UTP25: variants seen among roughly 807,000 people sequenced by gnomAD.
UTP25 encodes U3 small nucleolar RNA-associated protein 25 homolog.
A neutral mutation model predicts 78.9 loss-of-function variants in UTP25; 50 were observed. The ratio of observed to expected loss-of-function variants is 0.63; its 90% CI spans 0.50 to 0.80. The LOEUF (loss-of-function observed/expected upper bound fraction) is 0.80, where lower values mean the gene tolerates loss of function less well. Among genes scored for constraint, UTP25 ranks in the 30% least tolerant of loss-of-function variants. The pLI is 0.00. For synonymous variants in UTP25, 329 were observed against 336.5 expected, an observed-to-expected ratio of 0.98 and a Z score of 0.24; for missense variants, 846 against 911.3, an observed-to-expected ratio of 0.93 and a Z score of 0.92.
At chr1:209,830,203 T>G in intron 2 of UTP25, 56 bp downstream of exon 2, 1 of 1,423,226 alleles carries the variant, frequency 7.0e-7, no homozygotes, top group South Asian at 1.2e-5. Flanking sequence ...CCACTAAGAT[T>G]ATATCTAATA....
Position 209,833,180 on chromosome 1 carries a change from T to G in UTP25, c.389-5T>G. 1 of 1,607,864 alleles carries G rather than the reference T, an allele frequency of 6.2e-7. No homozygotes were observed. The highest frequency in any genetic ancestry group is 1.1e-5 in the South Asian group (1 of 89,532). The stretch of plus-strand genomic sequence containing the variant: ...AATTTTATAAAATGTTTCTCAAAAC[T>G]GCAGATGTAGCTTTATCTGCTGACC... On this transcript the variant is annotated splice_region_variant and splice_polypyrimidine_tract_variant and intron_variant, in intron 3 of 11. Transcript: ENST00000491415.
At chr1:209,839,866 A>G (rs2078156460) in intron 7 of UTP25, among the ~76,000 whole-genome samples, 1 of 152,220 alleles carries the variant, frequency 6.6e-6, no homozygotes, top group Admixed American at 6.5e-5. Flanking sequence ...TTGTTCTCGG[A>G]GCATTTAAAG....
chr1:209,856,153 C>T lies in UTP25; in HGVS notation c.*4706C>T, dbSNP rs2078274123. 6.6e-6 allele frequency: 1 copy of T among 152,230 alleles called. No individual in the cohort carries two copies. The highest frequency in any genetic ancestry group is 2.4e-5 in the African/African-American group (1 of 41,454). The allele number at this position is 152,230 out of a possible 1,614,324, so 9.4% of individuals were successfully genotyped here. ...CACGACCACTTCTCAGTTTTCTCATCTTTATGAAGTATGGAGTAATCCCCA... is the reference window on the plus strand; with the variant it reads ...CACGACCACTTCTCAGTTTTCTCATTTTTATGAAGTATGGAGTAATCCCCA... On this transcript the variant is annotated 3_prime_UTR_variant, in exon 12 of 12. Coordinates refer to ENST00000491415, the MANE Select transcript of UTP25 (RefSeq NM_014388.7).
rs768757354 is a variant in UTP25, at chr1:209,836,952, C to T, written c.803C>T (p.Pro268Leu). Residue 268 changes from proline (P) to leucine (L), a missense_variant, in exon 6 of 12, where the codon CCC (proline) becomes CTC (leucine). Transcript: ENST00000491415. Reference sequence around the variant, plus strand: ...ACCAACAGCCAGTTCCTATCTGGTCCCCAAAAATCAAGCAGCCCATTCACC... The same window carrying T: ...ACCAACAGCCAGTTCCTATCTGGTCTCCAAAAATCAAGCAGCCCATTCACC... ...TKTNSQFLSG[P>L]QKSSSPFTPL... is the part of the protein sequence containing the mutation. The T allele has an allele frequency of 6.2e-7, 1 of 1,614,046 alleles. No individual in the cohort carries two copies. Among genetic ancestry groups the T allele is most frequent in the South Asian group, 1.1e-5 (1 of 91,074 alleles).
chr1:209,845,926 G>A (rs901620846), intron 11 of UTP25, among the ~76,000 whole-genome samples: 4 of 147,452 alleles, frequency 2.7e-5, no homozygotes, highest in Non-Finnish European at 3.0e-5. Context: ...GTGTGATCTC[G>A]GCCCGCTGCA....
rs775081069 is a variant in UTP25, at chr1:209,837,066, T to G, written c.917T>G (p.Ile306Ser). 1.2e-6 allele frequency: 2 copies of G among 1,614,106 alleles called. No individual in the cohort carries two copies. Among genetic ancestry groups the G allele is most frequent in the South Asian group, 2.2e-5 (2 of 91,084 alleles). Residue 306 changes from isoleucine (I) to serine (S), a missense_variant, in exon 6 of 12, where the codon ATC becomes AGC. Ile to Ser is a moderately radical substitution (Grantham distance 142). Coordinates refer to ENST00000491415, the MANE Select transcript of UTP25 (RefSeq NM_014388.7). ...ACTGCTCTGAAGAACGGGGAAGAGA[T>G]CCGCCATGTGTATTGCCTGCATGTG... ...ERTALKNGEE[I>S]RHVYCLHVIN...
chr1:209,843,569 G>A lies in UTP25; in HGVS notation c.1900G>A (p.Glu634Lys), dbSNP rs887949827. ...GCGTCTTCGAAATTACTTCAAGAAG[G>A]AGGAATTGAATTTTACCCACATCTG... ...FVRLRNYFKK[E>K]ELNFTHICEY... Residue 634 changes from glutamate to lysine, a missense_variant, in exon 11 of 12, where the codon GAG becomes AAG. By Grantham distance (56) the Glu-to-Lys change is moderately conservative. Coordinates refer to ENST00000491415, the MANE Select transcript of UTP25 (RefSeq NM_014388.7). 1 of 1,614,172 alleles carries A rather than the reference G, an allele frequency of 6.2e-7. No individual in the cohort carries two copies. Among genetic ancestry groups the A allele is most frequent in the Non-Finnish European group, 8.5e-7 (1 of 1,180,026 alleles).
In UTP25 at chr1:209,837,054, A is replaced by G. The variant is rs776190684; in HGVS notation, c.905A>G (p.Asn302Ser). ...TACCCGGAAAGGACTGCTCTGAAGA[A>G]CGGGGAAGAGATCCGCCATGTGTAT... ...LFYPERTALK[N>S]GEEIRHVYCL... is the part of the protein sequence containing the mutation. The change falls in exon 6 of 12, where the codon AAC becomes AGC. Residue 302 changes from asparagine (N) to serine (S), a missense_variant. Asn to Ser is a conservative substitution (Grantham distance 46). Transcript: ENST00000491415. 16 of 1,614,162 alleles carry G rather than the reference A, an allele frequency of 9.9e-6. 1 individual carries two copies. The South Asian group carries it at 1.4e-4, about 14-fold the overall frequency.
chr1:209,834,242 C>T (rs1216223647), intron 4 of UTP25, among the ~76,000 whole-genome samples: 3 of 152,142 alleles, frequency 2.0e-5, no homozygotes, highest in Non-Finnish European at 4.4e-5. Context: ...TTCTTATGTC[C>T]TGTTGTTCAC....
rs1460428248 is a variant in UTP25 at position 209,854,907 on chromosome 1, C to T, written c.*3460C>T. The T allele has an allele frequency of 6.6e-6, 1 of 152,228 alleles. No individual in the cohort carries two copies. Among genetic ancestry groups the T allele is most frequent in the Non-Finnish European group, 1.5e-5 (1 of 68,058 alleles). The allele number at this position is 152,228 out of a possible 1,614,324, so 9.4% of individuals were successfully genotyped here. The stretch of plus-strand genomic sequence containing the variant: ...CCTCCGTCTAGCCATCCTCTCCTTC[C>T]AGTCCCTTTCCCATCTTTTCTCTCA... On this transcript the variant is annotated 3_prime_UTR_variant, in exon 12 of 12. Transcript: ENST00000491415.
chr1:209,842,129 C>A, intron 8 of UTP25, 136 bp from the exon 9 acceptor site: 1 of 901,834 alleles, frequency 1.1e-6, no homozygotes, highest in Non-Finnish European at 1.7e-6. Flanking sequence ...GTCACTCACC[C>A]ATGTGAGCCT....
At chr1:209,833,046 A>G (rs948546337) in intron 3 of UTP25, 139 bp from the exon 4 acceptor site, 8 of 855,598 alleles carry the variant, frequency 9.4e-6, no homozygotes, top group Middle Eastern at 3.5e-4. Context: ...TTTGAAATCT[A>G]TGTTTTCTAC....
At chr1:209,830,277 C>A in intron 2 of UTP25, 130 bp downstream of exon 2, 1 of 831,494 alleles carries the variant, frequency 1.2e-6, no homozygotes, top group Non-Finnish European at 1.8e-6. Flanking sequence ...TTGGCAGTAT[C>A]ACTTAATTTT....
rs748177755 is a variant in UTP25 at position 209,837,036 on chromosome 1, A to G, written c.887A>G (p.Glu296Gly). The change falls in exon 6 of 12, where the codon GAA becomes GGA. Residue 296 changes from glutamate to glycine, a missense_variant. By Grantham distance (98) the Glu-to-Gly change is moderately conservative. Coordinates refer to ENST00000491415, the MANE Select transcript of UTP25 (RefSeq NM_014388.7). ...TCTTACCGGGACCTGTTCTACCCGG[A>G]AAGGACTGCTCTGAAGAACGGGGAA... ...MNSYRDLFYP[E>G]RTALKNGEEI... 1 of 1,614,160 alleles carries G rather than the reference A, an allele frequency of 6.2e-7. No homozygotes were observed. The highest frequency in any genetic ancestry group is 8.5e-7 in the Non-Finnish European group (1 of 1,180,010).
chr1:209,848,286 C>T (rs993696547), intron 11 of UTP25, among the ~76,000 whole-genome samples: 4 of 152,162 alleles, frequency 2.6e-5, no homozygotes, highest in Non-Finnish European at 5.9e-5. Context: ...TCTACCTCAT[C>T]TCATCAGAAG....
chr1:209,828,826 G>T (rs912738421), intron 1 of UTP25, among the ~76,000 whole-genome samples: 23 of 150,460 alleles, frequency 1.5e-4, no homozygotes, highest in Admixed American at 7.3e-4. Flanking sequence ...AGGCTGGAGT[G>T]CAGTGGCGCG....
chr1:209,843,556 T>G lies in UTP25; in HGVS notation c.1887T>G (p.Asn629Lys). The change falls in exon 11 of 12, where the codon AAT becomes AAG. Residue 629 changes from asparagine to lysine, a missense_variant. Coordinates refer to ENST00000491415, the MANE Select transcript of UTP25 (RefSeq NM_014388.7). Reference sequence around the variant, plus strand: ...ACTTTGACTTCGTGCGTCTTCGAAATTACTTCAAGAAGGAGGAATTGAATT... The same window carrying G: ...ACTTTGACTTCGTGCGTCTTCGAAAGTACTTCAAGAAGGAGGAATTGAATT... Reference protein sequence around the residue: ...PSYFDFVRLRNYFKKEELNFT... With the variant: ...PSYFDFVRLRKYFKKEELNFT... The G allele has an allele frequency of 1.2e-6, 2 of 1,614,216 alleles. No individual in the cohort carries two copies. The highest frequency in any genetic ancestry group is 2.2e-5 in the South Asian group (2 of 91,088).
In UTP25 at chr1:209,835,162, A is replaced by G; in HGVS notation, c.650A>G (p.Lys217Arg). ...AATCCCAAAACTACCCACGAGCTTA[A>G]AGTAAGTGTTGCTTGGTCATCCCGG... Reference protein sequence around the residue: ...ATNPKTTHELKWPILGQLFFS... With the variant: ...ATNPKTTHELRWPILGQLFFS... Residue 217 changes from lysine to arginine, a missense_variant and splice_region_variant, in exon 5 of 12, where the codon AAA (lysine) becomes AGA (arginine). Lys to Arg is a conservative substitution (Grantham distance 26, BLOSUM62 2). Coordinates refer to ENST00000491415, the MANE Select transcript of UTP25 (RefSeq NM_014388.7). 1 of 1,613,314 alleles carries G rather than the reference A, an allele frequency of 6.2e-7. No individual in the cohort carries two copies. The highest frequency in any genetic ancestry group is 8.5e-7 in the Non-Finnish European group (1 of 1,179,354).
intron 3 of UTP25, among the ~76,000 whole-genome samples, chr1:209,832,142 AT>A (rs1230058263): frequency 1.3e-5 from 2 of 151,744 alleles, no homozygotes; most frequent in African/African-American, 4.8e-5. Flanking sequence ...AAAAATGAAA[AT>A]TTTTTTATCA....
Sources: allele counts gnomAD v4.1 joint callset (sites outside exome capture counted in the v4.1 genomes callset), GRCh38; gene constraint gnomAD v4.1.1; transcripts MANE v1.5; gene names NCBI Gene and HGNC (gene_info 2026-07-23, HGNC 2026-07-21).